The following MYO1H variants were observed in gnomAD, a reference collection of about 807,000 sequenced individuals.
The protein encoded by MYO1H is myosin IH.
MYO1H carries 118 observed loss-of-function variants against 149.3 expected under a neutral mutation model. That is an observed-to-expected ratio of 0.79 (90% CI 0.68 to 0.92). The LOEUF is 0.92. Ranked by LOEUF, MYO1H falls within the 40% of genes least tolerant of loss-of-function variation. The pLI is 0.00. For synonymous variants in MYO1H, 447 were observed against 465.2 expected (o/e 0.96, Z 0.50); for missense variants, 1,212 against 1,280.7 (o/e 0.95, Z 0.82).
chr12:109,382,834 T>TTA (rs962370035), intron 1 of MYO1H, among the ~76,000 whole-genome samples: 33 of 149,100 alleles, frequency 2.2e-4, no homozygotes, highest in Non-Finnish European at 2.5e-4. Context: ...CAAAATATCT[T>TTA]TATATATATA....
At chr12:109,439,560 G>T in intron 23 of MYO1H, 71 bp from the exon 24 acceptor site, 2 of 1,491,658 alleles carry the variant, frequency 1.3e-6, no homozygotes, top group South Asian at 2.6e-5. Context: ...CTGAATCAAA[G>T]AAGGGGGAAG....
At chr12:109,405,125 A>G (rs935845632) in intron 7 of MYO1H, among the ~76,000 whole-genome samples, 1 of 151,934 alleles carries the variant, frequency 6.6e-6, no homozygotes, top group African/African-American at 2.4e-5. Flanking sequence ...ATGCGGGAGG[A>G]TCGCTTGAGC....
chr12:109,402,496 C>T (rs1030111680), intron 6 of MYO1H, among the ~76,000 whole-genome samples: 17 of 152,204 alleles, frequency 1.1e-4, no homozygotes, highest in South Asian at 4.1e-4. Flanking sequence ...GGCTGGGGCA[C>T]GGTGGCTCAC....
At chr12:109,324,800 C>G in the MYO1H span, among the ~76,000 whole-genome samples, 1 of 152,080 alleles carries the variant, frequency 6.6e-6, no homozygotes, top group Non-Finnish European at 1.5e-5. Flanking sequence ...GTTTGCTGCA[C>G]CATCCAACCC....
chr12:109,329,157 G>GT, the MYO1H span, among the ~76,000 whole-genome samples: 1 of 148,338 alleles, frequency 6.7e-6, no homozygotes, highest in African/African-American at 2.5e-5. Flanking sequence ...CGTGTTTATT[G>GT]TATATATCTG....
chr12:109,311,872 A>T, the MYO1H span, among the ~76,000 whole-genome samples: 1 of 152,220 alleles, frequency 6.6e-6, no homozygotes, highest in Non-Finnish European at 1.5e-5. Flanking sequence ...AGAAAGAAAA[A>T]GCAATAGGTA....
Position 109,416,378 on chromosome 12 carries a change from G to GTTTTT in MYO1H, c.1597+758_1597+759insTTTTT, listed in dbSNP as rs771334177. Reference sequence around the variant, plus strand: ...CTCTATAGATTTGACTGTTGTTGTTGGTTTTTTTTTTTTTGACATTTTTTA... The same window carrying GTTTTT: ...CTCTATAGATTTGACTGTTGTTGTTGTTTTTGTTTTTTTTTTTTTGACATTTTTTA... On this transcript the variant is annotated intron_variant, in intron 15 of 31. Transcript: ENST00000310903. Among the ~76,000 whole-genome samples the GTTTTT allele has an allele frequency of 4.9e-3, 667 of 135,366 alleles. 8 individuals are homozygous for GTTTTT. Among genetic ancestry groups the GTTTTT allele is most frequent in the African/African-American group, 0.014 (510 of 35,586 alleles). 88.8% of individuals were successfully genotyped at this position (135,366 alleles called of 152,430 possible).
At chr12:109,379,952 C>T (rs1184677136) in intron 1 of MYO1H, among the ~76,000 whole-genome samples, 2 of 151,988 alleles carry the variant, frequency 1.3e-5, no homozygotes, top group African/African-American at 2.4e-5. Context: ...AGCATGGTGT[C>T]GATGTCTTAA....
intron 1 of MYO1H, among the ~76,000 whole-genome samples, chr12:109,372,119 A>G (rs2137016333): frequency 6.6e-6 from 1 of 152,218 alleles, no homozygotes; most frequent in East Asian, 1.9e-4. Context: ...TCTGCTTATA[A>G]TGTTTTTTTC....
chr12:109,341,004 T>C, the MYO1H span, among the ~76,000 whole-genome samples: 1 of 152,070 alleles, frequency 6.6e-6, no homozygotes, highest in Admixed American at 6.5e-5. Flanking sequence ...CTGGACAACG[T>C]GGCAAAATTC....
At chr12:109,397,388 G>A (rs1014399642) in intron 4 of MYO1H, among the ~76,000 whole-genome samples, 7 of 152,054 alleles carry the variant, frequency 4.6e-5, no homozygotes, top group South Asian at 4.2e-4. Flanking sequence ...GCAGAGCAAC[G>A]GTGGTATAAA....
At chr12:109,321,172 A>G in the MYO1H span, among the ~76,000 whole-genome samples, 1 of 152,246 alleles carries the variant, frequency 6.6e-6, no homozygotes, top group Non-Finnish European at 1.5e-5. Flanking sequence ...AACTAAGAAT[A>G]CCACACACAA....
intron 11 of MYO1H, 120 bp downstream of exon 11, chr12:109,409,744 T>C (rs1267314331): frequency 1.1e-6 from 1 of 911,040 alleles, no homozygotes; most frequent in East Asian, 2.4e-5. Context: ...GTCTCTAGAT[T>C]TACATAGTTT....
rs935050843 is a variant in MYO1H at position 109,353,084 on chromosome 12, C to T, written c.12+5112C>T. ...TAATACTATAATCAAGGGTACTTGC[C>T]CCAAATACTCATAAACAATATTATT... On this transcript the variant is annotated intron_variant, in intron 1 of 31. Transcript: ENST00000310903. Among the ~76,000 whole-genome samples, 8 of 151,870 alleles carry T rather than the reference C, an allele frequency of 5.3e-5. No individual in the cohort carries two copies. The South Asian group carries it at 6.2e-4, about 12-fold the overall frequency.
At position 109,438,386 on chromosome 12, in the gene MYO1H, G is replaced by A. The variant is rs1452720093; in HGVS notation, c.2210-150G>A. 5 of 675,332 alleles carry A rather than the reference G, an allele frequency of 7.4e-6. No homozygotes were observed. In the Admixed American group the frequency reaches 1.3e-4, roughly 17 times the overall value. The allele number at this position is 675,332 out of a possible 1,614,324, so 41.8% of individuals were successfully genotyped here. ...TGAGTACTCCCAGGTAAGAACTGATGACATTCATCCGACCTTCCATCTCTG... is the reference window on the plus strand; with the variant it reads ...TGAGTACTCCCAGGTAAGAACTGATAACATTCATCCGACCTTCCATCTCTG... On this transcript the variant is annotated intron_variant, in intron 22 of 31. Coordinates refer to ENST00000310903, the Ensembl canonical transcript of MYO1H.
chr12:109,414,490 AAAAG>A (rs944599360), intron 14 of MYO1H, among the ~76,000 whole-genome samples: 9 of 150,440 alleles, frequency 6.0e-5, no homozygotes, highest in Non-Finnish European at 1.0e-4. Context: ...AAAAAAAAAA[AAAAG>A]AAAGAAAAAA....
At position 109,409,633 on chromosome 12, in the gene MYO1H, T is replaced by C. The variant is rs572430432; in HGVS notation, c.1223+9T>C. 10 of 1,598,700 alleles carry C rather than the reference T, an allele frequency of 6.3e-6. No individual in the cohort carries two copies. The South Asian group carries it at 1.1e-4, about 18-fold the overall frequency. On this transcript the variant is annotated intron_variant, in intron 11 of 31. Coordinates refer to ENST00000310903, the Ensembl canonical transcript of MYO1H. ...GTCTTTGACAAGAATGGGTATGTTT[T>C]GTCATTACCTACCTATCTGTCTTTT...
chr12:109,318,909 C>T, the MYO1H span, among the ~76,000 whole-genome samples: 4 of 125,844 alleles, frequency 3.2e-5, no homozygotes, highest in Non-Finnish European at 4.8e-5. Flanking sequence ...AAATGATGGG[C>T]GGGAGTGAGG....
the MYO1H span, among the ~76,000 whole-genome samples, chr12:109,325,624 G>A: frequency 6.6e-6 from 1 of 152,142 alleles, no homozygotes; most frequent in Non-Finnish European, 1.5e-5. Context: ...AAAAAAGCTA[G>A]CATCAGAGTA....
Sources: gnomAD v4.1 joint callset for allele counts (sites outside exome capture counted in the v4.1 genomes callset) on GRCh38, gnomAD v4.1.1 for gene constraint, MANE v1.5 for transcripts, NCBI Gene and HGNC (gene_info 2026-07-23, HGNC 2026-07-21) for gene names.